Variants in TNIK observed in about 807,000 individuals in gnomAD.
TNIK encodes TRAF2 and NCK interacting kinase, also known as TRAF2 and NCK-interacting protein kinase.
In TNIK, 49 loss-of-function variants were observed where a neutral mutation model predicts 191.3. The ratio of observed to expected loss-of-function variants is 0.26; its 90% CI spans 0.20 to 0.32. The LOEUF is 0.32. Among genes scored for constraint, TNIK ranks in the 10% least tolerant of loss-of-function variants. The pLI, the probability that TNIK is intolerant of heterozygous loss-of-function variation, is 1.00. For missense variants in TNIK, 1,155 were observed against 1,702.3 expected, an observed-to-expected ratio of 0.68 and a Z score of 5.66; for synonymous variants, 594 against 600.9, an observed-to-expected ratio of 0.99 and a Z score of 0.17.
chr3:171,217,457 G>C (rs2108938594), intron 3 of TNIK, among the ~76,000 whole-genome samples: 1 of 152,006 alleles, frequency 6.6e-6, no homozygotes, highest in East Asian at 1.9e-4. Flanking sequence ...TCAGTACCTG[G>C]GTGACAGAAT....
chr3:171,295,457 G>A (rs1752185301), intron 2 of TNIK, among the ~76,000 whole-genome samples: 1 of 152,136 alleles, frequency 6.6e-6, no homozygotes. Context: ...TCCACCACGG[G>A]AATCTGGGGT....
intron 2 of TNIK, among the ~76,000 whole-genome samples, chr3:171,305,460 A>G (rs980222339): frequency 1.3e-5 from 2 of 152,162 alleles, no homozygotes; most frequent in East Asian, 3.9e-4. Flanking sequence ...TTTCTGAACT[A>G]TACATCTAAC....
intron 2 of TNIK, among the ~76,000 whole-genome samples, chr3:171,254,364 T>G (rs1159277573): frequency 6.6e-6 from 1 of 152,248 alleles, no homozygotes; most frequent in Non-Finnish European, 1.5e-5. Flanking sequence ...AATGATCAAC[T>G]AATTTACAGA....
At position 171,106,703 on chromosome 3, in the gene TNIK, G is replaced by C. The variant is rs756252739; in HGVS notation, c.2406+480C>G. On this transcript the variant is annotated intron_variant, in intron 21 of 32. Coordinates refer to ENST00000436636, the MANE Select transcript of TNIK (RefSeq NM_015028.4). ...AACTTTCCAGGATTCATTAACTAAA[G>C]CTGATGTTGCTTCTGATGCTGTTGT... The C allele has an allele frequency of 5.6e-6, 3 of 534,298 alleles. No homozygotes were observed. The East Asian group carries it at 1.6e-4, about 29-fold the overall frequency. The allele number at this position is 534,298 out of a possible 1,614,324, so 33.1% of individuals were successfully genotyped here.
At chr3:171,135,423 C>T (rs1015486633) in intron 15 of TNIK, among the ~76,000 whole-genome samples, 2 of 152,312 alleles carry the variant, frequency 1.3e-5, no homozygotes, top group East Asian at 3.9e-4. Flanking sequence ...CTTATTTGTA[C>T]ATCGATTGCT....
intron 27 of TNIK, 67 bp from the exon 28 acceptor site, chr3:171,079,719 CCATTT>C: frequency 6.7e-7 from 1 of 1,489,152 alleles, no homozygotes. Context: ...TTCCCCACCT[CCATTT>C]ATTTCTAATT....
intron 2 of TNIK, among the ~76,000 whole-genome samples, chr3:171,318,377 A>G (rs540049186): frequency 6.6e-6 from 1 of 152,326 alleles, no homozygotes; most frequent in East Asian, 1.9e-4. Context: ...TCCAAAACAT[A>G]TTAAGGTTTT....
In TNIK at chr3:171,066,587, G is replaced by A. The variant is rs2108304255; in HGVS notation, c.3848C>T (p.Pro1283Leu). ...AATGGTTAACCTACCCACAGACGTG[G>A]GCATTTCTCCCCATTGGAGCACCAC... ...KDVVLQWGEM[P>L]TSVAYIHSNQ... The change falls in exon 31 of 33, where the codon CCC becomes CTC. Residue 1283 changes from proline (P) to leucine (L), a missense_variant. By Grantham distance (98) the Pro-to-Leu change is moderately conservative (BLOSUM62 -3). Around this residue, in one of 3 missense-constraint regions of TNIK, gnomAD observed 195 missense variants for 415.4 expected, o/e 0.47. Transcript: ENST00000436636. 4 of 1,613,406 alleles carry A rather than the reference G, an allele frequency of 2.5e-6. No individual in the cohort carries two copies. In the East Asian group the frequency reaches 8.9e-5, roughly 36 times the overall value.
At chr3:171,156,446 G>C (rs1162378064) in intron 12 of TNIK, among the ~76,000 whole-genome samples, 1 of 152,208 alleles carries the variant, frequency 6.6e-6, no homozygotes, top group African/African-American at 2.4e-5. Flanking sequence ...GCCCGTTAAT[G>C]AGAAGCAAGC....
chr3:171,111,493 TCAAAAG>T (rs1466699714), intron 18 of TNIK, among the ~76,000 whole-genome samples: 5 of 151,678 alleles, frequency 3.3e-5, no homozygotes, highest in Non-Finnish European at 5.9e-5. Flanking sequence ...ATGGCTGTTT[TCAAAAG>T]ACAAAAGATA....
At chr3:171,248,535 T>C (rs761002594) in intron 2 of TNIK, among the ~76,000 whole-genome samples, 1 of 152,210 alleles carries the variant, frequency 6.6e-6, no homozygotes, top group African/African-American at 2.4e-5. Context: ...TATTAAAGTT[T>C]CATGGGGACT....
intron 2 of TNIK, among the ~76,000 whole-genome samples, chr3:171,293,660 AT>A (rs894436607): frequency 6.6e-6 from 1 of 151,774 alleles, no homozygotes; most frequent in African/African-American, 2.4e-5. Flanking sequence ...AATGAATAAC[AT>A]TTTTTTTCCA....
At chr3:171,072,706 A>G (rs956813255) in intron 28 of TNIK, among the ~76,000 whole-genome samples, 2 of 152,156 alleles carry the variant, frequency 1.3e-5, no homozygotes, top group Non-Finnish European at 2.9e-5. Flanking sequence ...CTTAGTGCTG[A>G]TAACTTCAGT....
chr3:171,094,143 T>C (rs546881340), intron 22 of TNIK, among the ~76,000 whole-genome samples, 175 bp from the exon 23 acceptor site: 12 of 151,298 alleles, frequency 7.9e-5, no homozygotes, highest in African/African-American at 3.0e-4. Flanking sequence ...ATATTAATTT[T>C]TTTTTTTTTG....
chr3:171,342,988 T>TC (rs1711536764), intron 2 of TNIK, among the ~76,000 whole-genome samples: 2 of 152,192 alleles, frequency 1.3e-5, no homozygotes, highest in South Asian at 4.1e-4. Flanking sequence ...ATGCCTTTGC[T>TC]CCTCCTTTGC....
At chr3:171,375,578 C>T (rs1002974824) in intron 1 of TNIK, among the ~76,000 whole-genome samples, 17 of 152,158 alleles carry the variant, frequency 1.1e-4, no homozygotes, top group Non-Finnish European at 2.2e-4. Context: ...AGCCCAGCTT[C>T]ACAGCAGAGA....
At position 171,062,887 on chromosome 3, in the gene TNIK, C is replaced by G. The variant is rs1717974444; in HGVS notation, c.*994G>C. The G allele has an allele frequency of 6.6e-6, 1 of 152,150 alleles. No individual in the cohort carries two copies. Among genetic ancestry groups the G allele is most frequent in the Non-Finnish European group, 1.5e-5 (1 of 68,024 alleles). 9.4% of individuals were successfully genotyped at this position (152,150 alleles called of 1,614,324 possible). On this transcript the variant is annotated 3_prime_UTR_variant, in exon 33 of 33. Transcript: ENST00000436636. ...TCTCCAAGTCCCAGAAAGAACTCAA[C>G]AAAGTCTCAGTCCTAATGAAGCCCA...
At chr3:171,429,191 G>C (rs1725029297) in intron 1 of TNIK, among the ~76,000 whole-genome samples, 1 of 152,088 alleles carries the variant, frequency 6.6e-6, no homozygotes, top group Admixed American at 6.6e-5. Context: ...CACAAAGCAA[G>C]CTGCGTTATT....
chr3:171,128,935 A>ACCTTCTAG (rs2108583225), intron 15 of TNIK, 57 bp from the exon 16 acceptor site: 5 of 1,459,708 alleles, frequency 3.4e-6, no homozygotes, highest in Non-Finnish European at 3.6e-6. Flanking sequence ...GAAGTAGATC[A>ACCTTCTAG]CCTTCTAGCA....
Sources: allele counts gnomAD v4.1 joint callset (sites outside exome capture counted in the v4.1 genomes callset), GRCh38; gene constraint gnomAD v4.1.1; regional missense constraint gnomAD v4.1.1; transcripts MANE v1.5; gene names NCBI Gene and HGNC (gene_info 2026-07-23, HGNC 2026-07-21).